Variants in SNX18 observed in about 807,000 individuals in gnomAD.
SNX18 encodes sorting nexin 18.
A neutral mutation model predicts 48.7 loss-of-function variants in SNX18; 35 were observed. The observed-to-expected ratio is 0.72, with a 90% confidence interval of 0.55 to 0.95. The LOEUF (loss-of-function observed/expected upper bound fraction) is 0.95. SNX18 is among the 40% of genes least tolerant of loss of function. The pLI, the probability that SNX18 is intolerant of heterozygous loss-of-function variation, is 0.00. For missense variants in SNX18, 824 were observed against 871.0 expected (o/e 0.95, Z 0.68); for synonymous variants, 492 against 384.7 (o/e 1.28, Z -3.26).
chr5:54,624,207 C>G, the SNX18 span, among the ~76,000 whole-genome samples: 3 of 152,154 alleles, frequency 2.0e-5, no homozygotes, highest in Non-Finnish European at 1.5e-5. Flanking sequence ...CCACACTATG[C>G]AGTAACTGCA....
At chr5:54,628,976 C>T in the SNX18 span, among the ~76,000 whole-genome samples, 1 of 152,212 alleles carries the variant, frequency 6.6e-6, no homozygotes, top group Non-Finnish European at 1.5e-5. Context: ...ACTTCTTCAG[C>T]ACACCTGTGT....
chr5:54,518,813 C>G lies in SNX18; in HGVS notation c.861C>G (p.Thr287=). ...CCATCGACGACCCCACCAAGCAGACCAAGTTCAAGGGCATGAAGAGCTACA... is the reference window on the plus strand; with the variant it reads ...CCATCGACGACCCCACCAAGCAGACGAAGTTCAAGGGCATGAAGAGCTACA... ...QCTIDDPTKQ[T]KFKGMKSYIS... is the part of the protein sequence containing the mutation. The change falls in exon 1 of 2, where the codon ACC becomes ACG. Residue 287 remains threonine (T), a synonymous_variant. Coordinates refer to ENST00000381410, the MANE Select transcript of SNX18 (RefSeq NM_001102575.2). 3 of 1,605,688 alleles carry G rather than the reference C, an allele frequency of 1.9e-6. No homozygotes were observed. The highest frequency in any genetic ancestry group is 2.6e-6 in the Non-Finnish European group (3 of 1,175,304).
At chr5:54,647,610 C>T in the SNX18 span, among the ~76,000 whole-genome samples, 1 of 152,064 alleles carries the variant, frequency 6.6e-6, no homozygotes, top group Non-Finnish European at 1.5e-5. Context: ...CGTAGAGAAC[C>T]CTGTATTCCA....
At chr5:54,564,858 AAAAC>A in the SNX18 span, among the ~76,000 whole-genome samples, 50 of 152,084 alleles carry the variant, frequency 3.3e-4, no homozygotes, top group East Asian at 3.1e-3. Flanking sequence ...TCCGTCTCAA[AAAAC>A]AAACAAACAA....
At chr5:54,635,323 G>T in the SNX18 span, among the ~76,000 whole-genome samples, 2 of 151,850 alleles carry the variant, frequency 1.3e-5, no homozygotes, top group African/African-American at 2.4e-5. Context: ...GAAAACGCCA[G>T]CTTCCCTTTG....
At chr5:54,550,509 A>G (rs917725558), downstream of SNX18, among the ~76,000 whole-genome samples, 1 of 152,224 alleles carries the variant, frequency 6.6e-6, no homozygotes, top group African/African-American at 2.4e-5. Context: ...TTAAATGAAA[A>G]AAAGAGGCAG....
the SNX18 span, among the ~76,000 whole-genome samples, chr5:54,558,120 CAG>C: frequency 6.6e-6 from 1 of 152,120 alleles, no homozygotes; most frequent in African/African-American, 2.4e-5. Context: ...GTAACTTGCC[CAG>C]AGTCACACAA....
At chr5:54,634,980 T>G in the SNX18 span, among the ~76,000 whole-genome samples, 15 of 152,126 alleles carry the variant, frequency 9.9e-5, no homozygotes, top group Non-Finnish European at 2.1e-4. Flanking sequence ...CTTACAATTT[T>G]GCAATTTTAA....
At chr5:54,641,988 CAG>C in the SNX18 span, among the ~76,000 whole-genome samples, 1 of 152,164 alleles carries the variant, frequency 6.6e-6, no homozygotes, top group Non-Finnish European at 1.5e-5. Context: ...AAAAATCAGA[CAG>C]TGATTTTATA....
the SNX18 span, among the ~76,000 whole-genome samples, chr5:54,554,221 T>G: frequency 1.3e-5 from 2 of 152,196 alleles, no homozygotes; most frequent in Non-Finnish European, 2.9e-5. Flanking sequence ...CTTTCCTCCA[T>G]CTCTCCTACT....
chr5:54,585,493 T>C, the SNX18 span, among the ~76,000 whole-genome samples: 3 of 152,044 alleles, frequency 2.0e-5, no homozygotes, highest in Admixed American at 6.6e-5. Flanking sequence ...AGCCTGCTGG[T>C]CTTCTGTCAC....
At chr5:54,603,429 G>T in the SNX18 span, among the ~76,000 whole-genome samples, 1 of 151,990 alleles carries the variant, frequency 6.6e-6, no homozygotes, top group East Asian at 1.9e-4. Flanking sequence ...CCTAAGGACT[G>T]TTATCTGATC....
At chr5:54,631,143 C>T in the SNX18 span, among the ~76,000 whole-genome samples, 2 of 152,204 alleles carry the variant, frequency 1.3e-5, no homozygotes, top group South Asian at 2.1e-4. Context: ...ACATTTATAT[C>T]ATCCTGCCAT....
At chr5:54,552,594 T>C in the SNX18 span, among the ~76,000 whole-genome samples, 1 of 152,164 alleles carries the variant, frequency 6.6e-6, no homozygotes, top group Non-Finnish European at 1.5e-5. Flanking sequence ...ATTGGAGTCA[T>C]TTTGCTTGAA....
In SNX18 at chr5:54,544,643, C is replaced by CT. The variant is rs1027570837; in HGVS notation, c.*1211_*1212insT. The CT allele has an allele frequency of 4.4e-5, 6 of 137,216 alleles. No homozygotes were observed. Among genetic ancestry groups the CT allele is most frequent in the African/African-American group, 8.0e-5 (3 of 37,390 alleles). 8.5% of individuals were successfully genotyped at this position (137,216 alleles called of 1,614,324 possible). ...AAAAAAGGTATTGATGAGCCCCCCCCCCCCAGGACATTTAACCTTAAAATT... is the reference window on the plus strand; with the variant it reads ...AAAAAAGGTATTGATGAGCCCCCCCCTCCCCAGGACATTTAACCTTAAAATT... On this transcript the variant is annotated 3_prime_UTR_variant, in exon 2 of 2. Coordinates refer to ENST00000381410, the MANE Select transcript of SNX18 (RefSeq NM_001102575.2).
the SNX18 span, among the ~76,000 whole-genome samples, chr5:54,606,419 A>G: frequency 6.6e-6 from 1 of 152,190 alleles, no homozygotes; most frequent in Non-Finnish European, 1.5e-5. Context: ...CCCTCTAAAC[A>G]TTTACCCAAC....
the SNX18 span, among the ~76,000 whole-genome samples, chr5:54,553,546 A>G: frequency 6.6e-6 from 1 of 152,232 alleles, no homozygotes; most frequent in Non-Finnish European, 1.5e-5. Context: ...TGCAAGGGAC[A>G]TTCTCCTTAG....
At chr5:54,561,569 G>A in the SNX18 span, among the ~76,000 whole-genome samples, 2 of 147,566 alleles carry the variant, frequency 1.4e-5, no homozygotes, top group Non-Finnish European at 3.0e-5. Context: ...AAAACTCCTG[G>A]CCTCAAGTGA....
At chr5:54,609,574 C>A in the SNX18 span, among the ~76,000 whole-genome samples, 3 of 151,988 alleles carry the variant, frequency 2.0e-5, no homozygotes, top group African/African-American at 7.3e-5. Context: ...CACCTCAGCC[C>A]CCTAAAGCTT....
Sources: gnomAD v4.1 joint callset for allele counts (sites outside exome capture counted in the v4.1 genomes callset) on GRCh38, gnomAD v4.1.1 for gene constraint, MANE v1.5 for transcripts, NCBI Gene and HGNC (gene_info 2026-07-23, HGNC 2026-07-21) for gene names.